Variants in LRRTM4 observed in about 807,000 individuals in gnomAD.
LRRTM4 encodes leucine rich repeat transmembrane neuronal 4.
Under a neutral mutation model 47.6 loss-of-function variants are expected in LRRTM4, and 25 were observed. The observed-to-expected ratio is 0.53, with a 90% confidence interval of 0.38 to 0.73. The LOEUF is 0.73. LRRTM4 is among the 30% of genes least tolerant of loss of function. The pLI is 0.00. For missense variants in LRRTM4, 638 were observed against 713.4 expected, an observed-to-expected ratio of 0.89 and a Z score of 1.20; for synonymous variants, 311 against 269.5, an observed-to-expected ratio of 1.15 and a Z score of -1.51.
intron 3 of LRRTM4, among the ~76,000 whole-genome samples, chr2:76,993,184 G>C (rs1677073936): frequency 6.6e-6 from 1 of 151,816 alleles, no homozygotes; most frequent in South Asian, 2.1e-4. Context: ...GAAAACCTAG[G>C]AACTACCATT....
At chr2:77,030,466 A>T (rs1678615239) in intron 3 of LRRTM4, among the ~76,000 whole-genome samples, 1 of 152,140 alleles carries the variant, frequency 6.6e-6, no homozygotes, top group Non-Finnish European at 1.5e-5. Context: ...ATTGACAGTA[A>T]GTCGGTGTGT....
chr2:77,138,076 A>G (rs1672002555), intron 3 of LRRTM4, among the ~76,000 whole-genome samples: 1 of 152,194 alleles, frequency 6.6e-6, no homozygotes, highest in African/African-American at 2.4e-5. Flanking sequence ...TGAGACAGAA[A>G]GTTAACAAGG....
At chr2:77,292,992 A>C (rs570057713) in intron 3 of LRRTM4, among the ~76,000 whole-genome samples, 1 of 151,814 alleles carries the variant, frequency 6.6e-6, no homozygotes, top group Non-Finnish European at 1.5e-5. Flanking sequence ...ATAATAATAA[A>C]AAAATATATA....
intron 3 of LRRTM4, among the ~76,000 whole-genome samples, chr2:77,091,215 T>A (rs994546526): frequency 1.3e-5 from 2 of 151,350 alleles, no homozygotes; most frequent in Admixed American, 1.3e-4. Flanking sequence ...TTCTTCCCAA[T>A]CAAGAGCCTC....
intron 3 of LRRTM4, among the ~76,000 whole-genome samples, chr2:77,138,479 G>T (rs180796236): frequency 1.0e-3 from 153 of 152,296 alleles, no homozygotes; most frequent in Admixed American, 2.5e-3. Flanking sequence ...ACAGTGTGTA[G>T]AGGGAAATTT....
chr2:76,860,973 C>T (rs1471201022), intron 3 of LRRTM4, among the ~76,000 whole-genome samples: 1 of 151,906 alleles, frequency 6.6e-6, no homozygotes, highest in Non-Finnish European at 1.5e-5. Context: ...AAAAGAAAAA[C>T]AAAATCAAGG....
In LRRTM4 at chr2:77,518,441, T is replaced by C. The variant is rs756445235; in HGVS notation, c.1428A>G (p.Gln476=). The change falls in exon 3 of 4, where the codon CAA becomes CAG. Residue 476 remains glutamine (Q), a synonymous_variant. Transcript: ENST00000409884. The part of the protein sequence containing the change: ...RRKKARESER[Q]MNSPLQEYYV... Reference sequence around the variant, plus strand: ...AATACTCCTGTAAAGGGGAATTCATTTGTCTTTCAGACTCTCTGGCCTTTT... The same window carrying C: ...AATACTCCTGTAAAGGGGAATTCATCTGTCTTTCAGACTCTCTGGCCTTTT... 1 of 1,613,316 alleles carries C rather than the reference T, an allele frequency of 6.2e-7. No homozygotes were observed. Among genetic ancestry groups the C allele is most frequent in the Admixed American group, 1.7e-5 (1 of 59,862 alleles).
chr2:76,801,670 A>AAAAAG (rs907559588), intron 3 of LRRTM4, among the ~76,000 whole-genome samples: 1 of 152,088 alleles, frequency 6.6e-6, no homozygotes, highest in African/African-American at 2.4e-5. Flanking sequence ...ATAATAAAAA[A>AAAAAG]AAAAGAAAAG....
intron 3 of LRRTM4, among the ~76,000 whole-genome samples, chr2:77,131,127 C>T (rs1671792782): frequency 6.6e-6 from 1 of 152,140 alleles, no homozygotes; most frequent in Non-Finnish European, 1.5e-5. Flanking sequence ...AGCCACCGCG[C>T]CCGGCCTGGT....
intron 3 of LRRTM4, among the ~76,000 whole-genome samples, chr2:77,235,440 T>C (rs1346213822): frequency 1.3e-5 from 2 of 152,100 alleles, no homozygotes; most frequent in African/African-American, 4.8e-5. Context: ...AGATTCTTTT[T>C]TGATGCATAG....
intron 3 of LRRTM4, among the ~76,000 whole-genome samples, chr2:77,292,813 A>G (rs969697033): frequency 6.6e-6 from 1 of 151,664 alleles, no homozygotes; most frequent in Non-Finnish European, 1.5e-5. Context: ...TAACCTGCAC[A>G]TTGTGCACAT....
At chr2:77,190,132 T>G (rs970095302) in intron 3 of LRRTM4, among the ~76,000 whole-genome samples, 2 of 152,164 alleles carry the variant, frequency 1.3e-5, no homozygotes, top group South Asian at 4.1e-4. Context: ...TTTCTTTTTC[T>G]TTTTGGGTCT....
chr2:76,959,606 G>A (rs186047543), intron 3 of LRRTM4, among the ~76,000 whole-genome samples: 39 of 151,818 alleles, frequency 2.6e-4, no homozygotes, highest in South Asian at 8.3e-4. Flanking sequence ...ATCTAAAACA[G>A]CAAAGACTTA....
At chr2:76,789,928 G>C (rs1674884539) in intron 3 of LRRTM4, among the ~76,000 whole-genome samples, 1 of 152,116 alleles carries the variant, frequency 6.6e-6, no homozygotes, top group Non-Finnish European at 1.5e-5. Flanking sequence ...TAGATGGGTT[G>C]GTCCTGTCTT....
intron 3 of LRRTM4, among the ~76,000 whole-genome samples, chr2:77,044,502 A>T (rs995536909): frequency 2.0e-5 from 3 of 151,346 alleles, no homozygotes; most frequent in Non-Finnish European, 4.4e-5. Flanking sequence ...GTTTCTTATA[A>T]TAATGTATTT....
intron 3 of LRRTM4, among the ~76,000 whole-genome samples, chr2:77,195,717 A>G (rs1673801840): frequency 6.6e-6 from 1 of 152,184 alleles, no homozygotes; most frequent in Non-Finnish European, 1.5e-5. Context: ...GTGGTAATAC[A>G]AAAAATAAGA....
intron 3 of LRRTM4, among the ~76,000 whole-genome samples, chr2:76,995,844 GC>G (rs1192895672): frequency 6.6e-6 from 1 of 151,984 alleles, no homozygotes; most frequent in Non-Finnish European, 1.5e-5. Flanking sequence ...GTAAATATAT[GC>G]CCATGCATAC....
chr2:76,782,115 T>A (rs759797403), intron 3 of LRRTM4, among the ~76,000 whole-genome samples: 7 of 152,224 alleles, frequency 4.6e-5, no homozygotes, highest in Non-Finnish European at 8.8e-5. Context: ...ATGCCTTTCT[T>A]ATAGCTATCT....
chr2:77,192,939 A>AT (rs908473347), intron 3 of LRRTM4, among the ~76,000 whole-genome samples: 5 of 151,562 alleles, frequency 3.3e-5, no homozygotes, highest in East Asian at 3.9e-4. Flanking sequence ...TGGCAGGTGC[A>AT]TTTTTTTTTC....
Sources: gnomAD v4.1 joint callset for allele counts (sites outside exome capture counted in the v4.1 genomes callset) on GRCh38, gnomAD v4.1.1 for gene constraint, MANE v1.5 for transcripts, NCBI Gene and HGNC (gene_info 2026-07-23, HGNC 2026-07-21) for gene names.